The following CAMTA1 variants were observed in gnomAD, a reference collection of about 807,000 sequenced individuals.
CAMTA1 encodes the protein calmodulin-binding transcription activator 1.
Under a neutral mutation model 170.9 loss-of-function variants are expected in CAMTA1, and 27 were observed. That is an observed-to-expected ratio of 0.16 (90% CI 0.12 to 0.22). The LOEUF is 0.22. Ranked by LOEUF, CAMTA1 falls within the 10% of genes least tolerant of loss-of-function variation. The pLI, the probability that CAMTA1 is intolerant of heterozygous loss-of-function variation, is 1.00. For synonymous variants in CAMTA1, 833 were observed against 891.5 expected, an observed-to-expected ratio of 0.93 and a Z score of 1.17; for missense variants, 1,619 against 2,217.2, an observed-to-expected ratio of 0.73 and a Z score of 5.42.
intron 3 of CAMTA1, among the ~76,000 whole-genome samples, chr1:6,852,044 A>G (rs993636663): frequency 1.3e-4 from 19 of 151,918 alleles, no homozygotes; most frequent in Admixed American, 8.5e-4. Flanking sequence ...CCAGAGAAAA[A>G]CTACGTACTA....
intron 4 of CAMTA1, among the ~76,000 whole-genome samples, chr1:7,163,718 G>A (rs1211687599): frequency 6.6e-6 from 1 of 152,176 alleles, no homozygotes; most frequent in South Asian, 2.1e-4. Flanking sequence ...CTGAAAGCAG[G>A]TGGACAACGG....
At chr1:7,693,259 C>G (rs1175481761) in intron 11 of CAMTA1, 1 of 152,252 alleles carries the variant, frequency 6.6e-6, no homozygotes, top group South Asian at 2.1e-4. Context: ...AGAGCTCTTA[C>G]AGGGCAACTC....
intron 3 of CAMTA1, among the ~76,000 whole-genome samples, chr1:6,865,105 T>G (rs1261979131): frequency 6.6e-6 from 1 of 152,248 alleles, no homozygotes; most frequent in Non-Finnish European, 1.5e-5. Flanking sequence ...GTGCCCAGCC[T>G]GAATGGGTGG....
chr1:7,292,845 A>G (rs993069631), intron 5 of CAMTA1, among the ~76,000 whole-genome samples: 2 of 152,092 alleles, frequency 1.3e-5, no homozygotes, highest in African/African-American at 4.8e-5. Context: ...AAGACAACTG[A>G]TCCCATGCCA....
chr1:7,309,901 A>T (rs1676199165), intron 5 of CAMTA1, among the ~76,000 whole-genome samples: 1 of 151,950 alleles, frequency 6.6e-6, no homozygotes, highest in Non-Finnish European at 1.5e-5. Context: ...AAACCCCAGT[A>T]AGGAATGTTA....
intron 4 of CAMTA1, among the ~76,000 whole-genome samples, chr1:7,241,461 T>C (rs1382332536): frequency 6.6e-6 from 1 of 152,144 alleles, no homozygotes; most frequent in African/African-American, 2.4e-5. Context: ...CTAAAATATA[T>C]ATGGAAATAC....
chr1:7,596,945 G>A (rs553218013), intron 6 of CAMTA1, among the ~76,000 whole-genome samples: 74 of 151,830 alleles, frequency 4.9e-4, no homozygotes, highest in African/African-American at 1.7e-3. Flanking sequence ...TGAGACAGGC[G>A]GAGCCCCCTG....
chr1:7,735,648 G>A (rs563687677), intron 12 of CAMTA1, among the ~76,000 whole-genome samples: 1 of 152,192 alleles, frequency 6.6e-6, no homozygotes, highest in African/African-American at 2.4e-5. Context: ...TAATCAGAGT[G>A]TCAGCCCTAA....
chr1:7,386,062 C>T (rs540479637), intron 5 of CAMTA1, among the ~76,000 whole-genome samples: 1 of 152,274 alleles, frequency 6.6e-6, no homozygotes, highest in South Asian at 2.1e-4. Flanking sequence ...AAGGCATTGG[C>T]CCCCCAAAGG....
At chr1:6,870,852 G>A (rs1024992796) in intron 3 of CAMTA1, among the ~76,000 whole-genome samples, 5 of 152,164 alleles carry the variant, frequency 3.3e-5, no homozygotes, top group Non-Finnish European at 7.3e-5. Context: ...TTTTAGACAG[G>A]AGACACTAAA....
chr1:7,492,753 A>G (rs2093734392), intron 6 of CAMTA1, among the ~76,000 whole-genome samples: 1 of 144,846 alleles, frequency 6.9e-6, no homozygotes, highest in African/African-American at 2.6e-5. Context: ...GCGCGCACAC[A>G]CACACAAACC....
chr1:7,465,473 C>T (rs994309814), intron 5 of CAMTA1, among the ~76,000 whole-genome samples: 4 of 137,726 alleles, frequency 2.9e-5, no homozygotes, highest in South Asian at 2.2e-4. Context: ...CCAGGGACCA[C>T]GCTTCTCATC....
At position 7,067,985 on chromosome 1, in the gene CAMTA1, A is replaced by G. The variant is rs1490813744; in HGVS notation, c.235-23319A>G. ...AATGTGATGGTTATGGGAGGCCGCT[A>G]TGGTCACCTTGCAGCCATGTGGGTC... On this transcript the variant is annotated intron_variant, in intron 3 of 22. Transcript: ENST00000303635. This position sits in a 1 kb window ranked among gnomAD's most constrained non-coding sequence, Gnocchi z 4.3. Among the ~76,000 whole-genome samples, 1 of 152,180 alleles carries G rather than the reference A, an allele frequency of 6.6e-6. No individual in the cohort carries two copies. Among genetic ancestry groups the G allele is most frequent in the African/African-American group, 2.4e-5 (1 of 41,446 alleles).
In CAMTA1 at chr1:7,565,148, C is replaced by A. The variant is rs982716661; in HGVS notation, c.511-75252C>A. ...AGTCACCTGTGCTACCTGGATATAC[C>A]CCTCACACCCCCACCCTCCACTTGC... On this transcript the variant is annotated intron_variant, in intron 6 of 22. Coordinates refer to ENST00000303635, the MANE Select transcript of CAMTA1 (RefSeq NM_015215.4). The surrounding 1 kb of genome is among the most constrained non-coding windows in gnomAD (Gnocchi z 4.5). Among the ~76,000 whole-genome samples, 1 of 151,974 alleles carries A rather than the reference C, an allele frequency of 6.6e-6. No homozygotes were observed. The highest frequency in any genetic ancestry group is 2.1e-4 in the South Asian group (1 of 4,822).
intron 3 of CAMTA1, among the ~76,000 whole-genome samples, chr1:6,899,528 T>C (rs759418337): frequency 1.3e-5 from 2 of 150,902 alleles, no homozygotes; most frequent in Non-Finnish European, 2.9e-5. Flanking sequence ...TAAAAAATTA[T>C]ATGTGTATAA....
intron 4 of CAMTA1, among the ~76,000 whole-genome samples, chr1:7,244,429 T>G (rs572777907): frequency 1.3e-5 from 2 of 152,174 alleles, no homozygotes; most frequent in Non-Finnish European, 2.9e-5. Context: ...CTGCTATAAA[T>G]ACACATGCAC....
rs1158202537 is a variant in CAMTA1 at position 7,748,210 on chromosome 1, C to G, written c.4689+429C>G. Among the ~76,000 whole-genome samples the G allele has an allele frequency of 6.6e-6, 1 of 151,858 alleles. No individual in the cohort carries two copies. The highest frequency in any genetic ancestry group is 2.4e-5 in the African/African-American group (1 of 41,294). Reference sequence around the variant, plus strand: ...TACAAGCATGAGCCGCAGCGCCCGGCCAGAGACTTAATTTGAACTGCCATG... The same window carrying G: ...TACAAGCATGAGCCGCAGCGCCCGGGCAGAGACTTAATTTGAACTGCCATG... On this transcript the variant is annotated intron_variant, in intron 19 of 22. Coordinates refer to ENST00000303635, the MANE Select transcript of CAMTA1 (RefSeq NM_015215.4). The surrounding 1 kb of genome is among the most constrained non-coding windows in gnomAD (Gnocchi z 4.7).
intron 5 of CAMTA1, among the ~76,000 whole-genome samples, chr1:7,420,124 G>A (rs761871700): frequency 2.6e-5 from 4 of 152,148 alleles, no homozygotes; most frequent in South Asian, 2.1e-4. Context: ...CTCTGGGCCC[G>A]CACACCCTCC....
rs1437215939 is a variant in CAMTA1 at position 7,585,776 on chromosome 1, A to C, written c.511-54624A>C. On this transcript the variant is annotated intron_variant, in intron 6 of 22. Coordinates refer to ENST00000303635, the MANE Select transcript of CAMTA1 (RefSeq NM_015215.4). This position sits in a 1 kb window ranked among gnomAD's most constrained non-coding sequence, Gnocchi z 4.8. ...GCTCTCTTGTGGACAGACAGGCCAG[A>C]GACACGGCTCATCTGTCCCTCATCC... 2.0e-5 allele frequency among the ~76,000 whole-genome samples: 3 copies of C among 150,962 alleles called. No individual in the cohort carries two copies. Among genetic ancestry groups the C allele is most frequent in the Non-Finnish European group, 4.4e-5 (3 of 68,000 alleles).
Sources: allele counts gnomAD v4.1 joint callset (sites outside exome capture counted in the v4.1 genomes callset), GRCh38; gene constraint gnomAD v4.1.1; non-coding constraint Gnocchi (gnomAD v3.1); transcripts MANE v1.5; gene names NCBI Gene and HGNC (gene_info 2026-07-23, HGNC 2026-07-21).